Variants in USP49 observed in about 807,000 individuals in gnomAD.
USP49 encodes ubiquitin specific peptidase 49, also known as ubiquitin carboxyl-terminal hydrolase 49.
A neutral mutation model predicts 58.6 loss-of-function variants in USP49; 24 were observed. That is an observed-to-expected ratio of 0.41 (90% CI 0.30 to 0.58). The LOEUF is 0.58. USP49 is among the 20% of genes least tolerant of loss of function. USP49 has a pLI of 0.30. For synonymous variants in USP49, 408 were observed against 365.1 expected (o/e 1.12, Z -1.34); for missense variants, 703 against 866.1 (o/e 0.81, Z 2.36).
At chr6:41,816,290 C>A (rs1324001043) in intron 3 of USP49, among the ~76,000 whole-genome samples, 1 of 152,200 alleles carries the variant, frequency 6.6e-6, no homozygotes, top group African/African-American at 2.4e-5. Context: ...CTCCTTAACA[C>A]CTCCTTTTTG....
intron 3 of USP49, among the ~76,000 whole-genome samples, chr6:41,848,466 A>G (rs1773962311): frequency 6.6e-6 from 1 of 150,934 alleles, no homozygotes. Context: ...TCCTGGGCTC[A>G]AGCAATCCTC....
At chr6:41,891,039 T>C (rs1402302070) in intron 2 of USP49, among the ~76,000 whole-genome samples, 2 of 152,230 alleles carry the variant, frequency 1.3e-5, no homozygotes, top group Non-Finnish European at 2.9e-5. Context: ...ACATAATCGT[T>C]ACGGTGTTTA....
At chr6:41,839,504 C>T (rs926645427) in intron 3 of USP49, among the ~76,000 whole-genome samples, 2 of 142,860 alleles carry the variant, frequency 1.4e-5, no homozygotes, top group African/African-American at 5.2e-5. Flanking sequence ...ACAAACCAAA[C>T]CCAAACACAG....
At chr6:41,821,468 T>C (rs1773451812) in intron 3 of USP49, among the ~76,000 whole-genome samples, 1 of 152,148 alleles carries the variant, frequency 6.6e-6, no homozygotes. Flanking sequence ...AAACTTCCCC[T>C]TTACTGGGAA....
At chr6:41,863,557 C>T (rs1050424927) in intron 3 of USP49, among the ~76,000 whole-genome samples, 1 of 152,314 alleles carries the variant, frequency 6.6e-6, no homozygotes, top group Non-Finnish European at 1.5e-5. Flanking sequence ...TTAAAAACCA[C>T]ATCAGCTATC....
chr6:41,802,468 A>ATTTTTTTT (rs1178634996), intron 5 of USP49, among the ~76,000 whole-genome samples: 2 of 73,926 alleles, frequency 2.7e-5, no homozygotes, highest in African/African-American at 1.1e-4. Flanking sequence ...TTATTTATTT[A>ATTTTTTTT]TTTTTTATTT....
chr6:41,864,118 T>G (rs1774270313), intron 3 of USP49, among the ~76,000 whole-genome samples: 1 of 152,126 alleles, frequency 6.6e-6, no homozygotes, highest in Non-Finnish European at 1.5e-5. Flanking sequence ...AGACCAAATG[T>G]CTAACACAAT....
At chr6:41,802,460 A>ATTTTTTTTTTTTTTTTTTTTTTT (rs71545916) in intron 5 of USP49, among the ~76,000 whole-genome samples, 1 of 71,398 alleles carries the variant, frequency 1.4e-5, no homozygotes, top group African/African-American at 5.8e-5. Flanking sequence ...TTATTTATTT[A>ATTTTTTTTTTTTTTTTTTTTTTT]TTTATTTATT....
chr6:41,863,849 T>C (rs1427004498), intron 3 of USP49, among the ~76,000 whole-genome samples: 1 of 152,050 alleles, frequency 6.6e-6, no homozygotes, highest in Non-Finnish European at 1.5e-5. Context: ...CTTGACCTCC[T>C]CGGGCTCAGG....
At chr6:41,881,601 C>G (rs1380286166) in intron 2 of USP49, among the ~76,000 whole-genome samples, 3 of 151,850 alleles carry the variant, frequency 2.0e-5, no homozygotes, top group African/African-American at 7.3e-5. Flanking sequence ...AAATAGTAGG[C>G]GTGGCTTTGT....
chr6:41,792,570 A>G lies in USP49; in HGVS notation c.*3963T>C, dbSNP rs929359624. 3.3e-5 allele frequency: 5 copies of G among 152,254 alleles called. No homozygotes were observed. The highest frequency in any genetic ancestry group is 7.3e-5 in the Non-Finnish European group (5 of 68,048). The allele number at this position is 152,254 out of a possible 1,614,324, so 9.4% of individuals were successfully genotyped here. ...AAAGGCCCAAGTCAATGTATGGAAC[A>G]TGACAAGGGAAGTGAAAAACAATGG... On this transcript the variant is annotated 3_prime_UTR_variant, in exon 8 of 8. Coordinates refer to ENST00000682992, the MANE Select transcript of USP49 (RefSeq NM_001286554.2).
chr6:41,825,670 T>C (rs1773525797), intron 3 of USP49, among the ~76,000 whole-genome samples: 1 of 152,236 alleles, frequency 6.6e-6, no homozygotes, highest in Non-Finnish European at 1.5e-5. Context: ...GTAATTATTC[T>C]AAACTAACCT....
intron 3 of USP49, among the ~76,000 whole-genome samples, chr6:41,840,955 T>C (rs1018456049): frequency 2.0e-5 from 3 of 151,564 alleles, no homozygotes; most frequent in Non-Finnish European, 4.4e-5. Context: ...GAGTGAGCTA[T>C]GATTTTGCCA....
intron 3 of USP49, among the ~76,000 whole-genome samples, chr6:41,861,137 A>G (rs965743378): frequency 1.3e-5 from 2 of 151,036 alleles, no homozygotes; most frequent in Non-Finnish European, 2.9e-5. Flanking sequence ...CTCAAAACAT[A>G]ACAATAAAAA....
intron 3 of USP49, among the ~76,000 whole-genome samples, chr6:41,866,405 TAG>T (rs1006018754): frequency 1.3e-5 from 2 of 152,104 alleles, no homozygotes; most frequent in African/African-American, 4.8e-5. Context: ...TCCATGATGG[TAG>T]AGATTTTTTT....
intron 3 of USP49, among the ~76,000 whole-genome samples, chr6:41,820,661 A>C (rs1001477065): frequency 1.6e-4 from 25 of 152,124 alleles, no homozygotes; most frequent in African/African-American, 6.0e-4. Flanking sequence ...CATGGAATTC[A>C]TTATACTATT....
chr6:41,892,056 A>G lies in USP49; in HGVS notation c.-184-181T>C, dbSNP rs59141089. 8.9e-3 allele frequency among the ~76,000 whole-genome samples: 1,358 copies of G among 152,330 alleles called. 27 individuals are homozygous for G. The highest frequency in any genetic ancestry group is 0.031 in the African/African-American group (1,303 of 41,570). On this transcript the variant is annotated intron_variant, in intron 1 of 7. Transcript: ENST00000682992. Reference sequence around the variant, plus strand: ...TTATCATTGGAGTCCTTATTGATAAATAGTATTATCTCAATTTTTAAAAAT... The same window carrying G: ...TTATCATTGGAGTCCTTATTGATAAGTAGTATTATCTCAATTTTTAAAAAT...
intron 3 of USP49, chr6:41,869,632 C>G (rs543736189): frequency 6.6e-6 from 1 of 151,634 alleles, no homozygotes; most frequent in Admixed American, 6.6e-5. Context: ...ATTGCTTAAA[C>G]CTGGGAGGTG....
At chr6:41,867,620 C>T (rs759873219) in intron 3 of USP49, among the ~76,000 whole-genome samples, 40 of 148,280 alleles carry the variant, frequency 2.7e-4, no homozygotes, top group Middle Eastern at 3.6e-3. Flanking sequence ...GGAGTGGTGG[C>T]GAGCGCCTGT....
Sources: allele counts gnomAD v4.1 joint callset (sites outside exome capture counted in the v4.1 genomes callset), GRCh38; gene constraint gnomAD v4.1.1; transcripts MANE v1.5; gene names NCBI Gene and HGNC (gene_info 2026-07-23, HGNC 2026-07-21).